The following LDB3 variants were observed in gnomAD, a reference collection of about 807,000 sequenced individuals.
The protein encoded by LDB3 is LIM domain-binding protein 3.
A neutral mutation model predicts 69.0 loss-of-function variants in LDB3; 49 were observed. The ratio of observed to expected loss-of-function variants is 0.71; its 90% CI spans 0.56 to 0.90. The LOEUF is 0.90. LDB3 is among the 40% of genes least tolerant of loss of function. The pLI is 0.00. For synonymous variants in LDB3, 387 were observed against 396.2 expected (o/e 0.98, Z 0.28); for missense variants, 928 against 974.1 (o/e 0.95, Z 0.63).
intron 5 of LDB3, chr10:86,687,323 G>T (rs764557529): frequency 3.3e-5 from 51 of 1,545,650 alleles, no homozygotes; most frequent in Non-Finnish European, 4.6e-5. Context: ...AGCCCGAGGG[G>T]TATGGGCCAT....
upstream of LDB3, among the ~76,000 whole-genome samples, chr10:86,667,726 T>C (rs1194253666): frequency 2.0e-5 from 3 of 152,196 alleles, no homozygotes. Flanking sequence ...AATAACTGGC[T>C]GGGCCCCCAG....
At chr10:86,709,298 A>T (rs752816427) in intron 8 of LDB3, among the ~76,000 whole-genome samples, 16 of 152,000 alleles carry the variant, frequency 1.1e-4, no homozygotes, top group Non-Finnish European at 1.6e-4. Context: ...ACACATGGGG[A>T]AAGGTGACCC....
intron 6 of LDB3, 23 bp downstream of exon 6, chr10:86,692,088 G>C (rs528804817): frequency 7.8e-5 from 126 of 1,613,254 alleles, no homozygotes; most frequent in South Asian, 7.1e-4. Flanking sequence ...TCTCAGGGTG[G>C]CTGCAGAGGA....
chr10:86,690,591 G>A (rs931587254), intron 5 of LDB3, among the ~76,000 whole-genome samples: 1 of 152,240 alleles, frequency 6.6e-6, no homozygotes, highest in African/African-American at 2.4e-5. Context: ...GCCAGACACA[G>A]GGACCAGTCC....
chr10:86,706,823 C>G (rs1052272024), intron 8 of LDB3, 104 bp downstream of exon 8: 16 of 1,290,510 alleles, frequency 1.2e-5, no homozygotes, highest in Non-Finnish European at 1.6e-5. Context: ...AGTTAGGGCC[C>G]GCAGGCCTAG....
rs544039308 is a variant in LDB3, at chr10:86,691,878, CCT to C, written c.690-11_690-10del. 112 of 1,614,008 alleles carry C rather than the reference CCT, an allele frequency of 6.9e-5. No individual in the cohort carries two copies. In the African/African-American group the frequency reaches 1.3e-3, roughly 18 times the overall value. ...GCTCCAGCCTAGCCCTCGCCCACGG[CCT>C]CTCTCTGCATTACAGGAGCCTCCCT... On this transcript the variant is annotated splice_polypyrimidine_tract_variant and intron_variant, in intron 5 of 13. Coordinates refer to ENST00000361373, the MANE Select transcript of LDB3 (RefSeq NM_007078.3).
intron 9 of LDB3, among the ~76,000 whole-genome samples, chr10:86,711,786 C>T (rs917982398): frequency 2.7e-5 from 4 of 149,526 alleles, no homozygotes; most frequent in Non-Finnish European, 6.0e-5. Context: ...GGCGCGGAGA[C>T]CCTGCGCGCG....
intron 5 of LDB3, among the ~76,000 whole-genome samples, chr10:86,684,103 GGAGA>G (rs1406052729): frequency 1.3e-5 from 2 of 152,242 alleles, no homozygotes; most frequent in South Asian, 2.1e-4. Flanking sequence ...CTTGGAAGGA[GGAGA>G]GAGAAACAGA....
rs771979856 is a variant in LDB3, at chr10:86,699,349, C to T, written c.896+6778C>T. On this transcript the variant is annotated intron_variant, in intron 7 of 13. Coordinates refer to ENST00000361373, the MANE Select transcript of LDB3 (RefSeq NM_007078.3). This position sits in a 1 kb window ranked among gnomAD's most constrained non-coding sequence, Gnocchi z 4.9. Reference sequence around the variant, plus strand: ...CGCAACTGGCACCATGGCCTTTCAGCCCAAATCCTTAATGTTAAAAGCTAA... The same window carrying T: ...CGCAACTGGCACCATGGCCTTTCAGTCCAAATCCTTAATGTTAAAAGCTAA... The T allele has an allele frequency of 6.2e-7, 1 of 1,613,996 alleles. No homozygotes were observed. The highest frequency in any genetic ancestry group is 1.1e-5 in the South Asian group (1 of 91,074).
At chr10:86,682,406 G>A (rs771567791) in intron 5 of LDB3, among the ~76,000 whole-genome samples, 8 of 152,086 alleles carry the variant, frequency 5.3e-5, no homozygotes, top group African/African-American at 7.2e-5. Flanking sequence ...GGACCCCAAG[G>A]AGAAAGGGGC....
chr10:86,693,284 A>G (rs950078974), intron 7 of LDB3, among the ~76,000 whole-genome samples: 8 of 152,076 alleles, frequency 5.3e-5, no homozygotes, highest in African/African-American at 1.7e-4. Context: ...GGGGCCTTCC[A>G]TGGTAAGGAG....
chr10:86,721,049 A>G (rs1847065959), intron 12 of LDB3, among the ~76,000 whole-genome samples: 1 of 152,162 alleles, frequency 6.6e-6, no homozygotes. Context: ...GGCTCAAGCA[A>G]TCCTCCTGCC....
chr10:86,733,310 G>C lies in LDB3; in HGVS notation c.*334G>C, dbSNP rs1353368144. ...GATACACTTGCTTTGGTCACCAGAG[G>C]AGGACAGAGCTTAGAGCAGCTGTGG... On this transcript the variant is annotated 3_prime_UTR_variant, in exon 14 of 14. Transcript: ENST00000361373. 2.8e-6 allele frequency: 1 copy of C among 355,126 alleles called. No homozygotes were observed. Among genetic ancestry groups the C allele is most frequent in the African/African-American group, 2.1e-5 (1 of 47,030 alleles). 22.0% of individuals were successfully genotyped at this position (355,126 alleles called of 1,614,324 possible).
At position 86,668,637 on chromosome 10, in the gene LDB3, C is replaced by A. The variant is rs34972863; in HGVS notation, c.-23-32C>A. On this transcript the variant is annotated intron_variant, in intron 1 of 13. Transcript: ENST00000361373. ...GGCAGGCGGAGTGCCTGAGTGCCCT[C>A]TCACTCAACCCTCTCTACCCTTTGT... is the stretch of plus-strand genomic sequence containing the variant. 4.1e-3 allele frequency: 5,782 copies of A among 1,394,170 alleles called. 44 individuals carry two copies. The highest frequency in any genetic ancestry group is 0.017 in the Middle Eastern group (94 of 5,588). The allele number at this position is 1,394,170 out of a possible 1,614,324, so 86.4% of individuals were successfully genotyped here. A position where few individuals can be genotyped will look rare whatever the true frequency, so the allele number is the denominator to read the frequency against.
intron 13 of LDB3, among the ~76,000 whole-genome samples, chr10:86,727,933 C>A (rs1847318190): frequency 6.6e-6 from 1 of 151,724 alleles, no homozygotes; most frequent in Non-Finnish European, 1.5e-5. Flanking sequence ...TGCCTTCTTG[C>A]ACGTGAATTT....
intron 2 of LDB3, among the ~76,000 whole-genome samples, chr10:86,673,433 G>A (rs1286845886): frequency 1.3e-5 from 2 of 152,194 alleles, no homozygotes; most frequent in Non-Finnish European, 2.9e-5. Flanking sequence ...GGAGGAGTCT[G>A]GAGGTGCAGA....
intron 5 of LDB3, among the ~76,000 whole-genome samples, chr10:86,685,036 G>C (rs1372874103): frequency 6.6e-6 from 1 of 152,146 alleles, no homozygotes; most frequent in Non-Finnish European, 1.5e-5. Context: ...CTGGCCCAAG[G>C]GGCCTTTAGG....
chr10:86,670,382 T>A (rs141688634), intron 2 of LDB3, among the ~76,000 whole-genome samples: 1,623 of 152,238 alleles, frequency 0.011, 16 homozygotes, highest in South Asian at 0.019. Context: ...GACTCCTTCC[T>A]GTATAAGGTG....
chr10:86,682,562 C>T (rs1246896916), intron 5 of LDB3, among the ~76,000 whole-genome samples: 1 of 152,114 alleles, frequency 6.6e-6, no homozygotes, highest in Non-Finnish European at 1.5e-5. Flanking sequence ...AGCTCTGAGC[C>T]CTTCACGCTT....
Sources: allele counts gnomAD v4.1 joint callset (sites outside exome capture counted in the v4.1 genomes callset), GRCh38; gene constraint gnomAD v4.1.1; non-coding constraint Gnocchi (gnomAD v3.1); transcripts MANE v1.5; gene names NCBI Gene and HGNC (gene_info 2026-07-23, HGNC 2026-07-21).